TPTE: variants seen among roughly 807,000 people sequenced by gnomAD.
The protein encoded by TPTE is transmembrane phosphatase with tensin homology.
TPTE carries 59 observed loss-of-function variants against 84.1 expected under a neutral mutation model. The observed-to-expected ratio is 0.70, with a 90% CI of 0.57 to 0.87. The LOEUF (loss-of-function observed/expected upper bound fraction) is 0.87, where lower values mean the gene tolerates loss of function less well. Ranked by LOEUF, TPTE falls within the 40% of genes least tolerant of loss-of-function variation. TPTE has a pLI of 0.00. For missense variants in TPTE, 382 were observed against 659.6 expected, an observed-to-expected ratio of 0.58 and a Z score of 4.61; for synonymous variants, 130 against 223.5, an observed-to-expected ratio of 0.58 and a Z score of 3.73.
chr21:10,566,251 A>T (rs1315812620), intron 10 of TPTE, among the ~76,000 whole-genome samples: 1 of 152,308 alleles, frequency 6.6e-6, no homozygotes, highest in Non-Finnish European at 1.5e-5. Context: ...ATATCAAGAG[A>T]TGCTTGACAT....
intron 14 of TPTE, among the ~76,000 whole-genome samples, chr21:10,571,463 C>G (rs1420406527): frequency 2.0e-5 from 3 of 152,312 alleles, no homozygotes; most frequent in Non-Finnish European, 2.9e-5. Flanking sequence ...AGCAAGGAAA[C>G]ATTACACCTC....
At chr21:10,533,808 A>G (rs1352204766) in intron 3 of TPTE, among the ~76,000 whole-genome samples, 1 of 152,312 alleles carries the variant, frequency 6.6e-6, no homozygotes, top group Non-Finnish European at 1.5e-5. Flanking sequence ...AGCTTTAGAC[A>G]AGGTAAATTT....
Position 10,521,685 on chromosome 21 carries a change from C to G in TPTE, c.-220C>G, listed in dbSNP as rs1185940585. ...GACCCCCGGCGCCTACACTTAGCTC[C>G]GCGCCCGAGGTGAGCCCAGGCCCTA... On this transcript the variant is annotated 5_prime_UTR_variant, in exon 1 of 24. Transcript: ENST00000618007. The G allele has an allele frequency of 6.5e-6, 1 of 153,900 alleles. No homozygotes were observed. The highest frequency in any genetic ancestry group is 2.4e-5 in the African/African-American group (1 of 41,436). The allele number at this position is 153,900 out of a possible 1,614,324, so 9.5% of individuals were successfully genotyped here.
At chr21:10,539,624 T>C (rs559433808) in intron 4 of TPTE, among the ~76,000 whole-genome samples, 1 of 152,308 alleles carries the variant, frequency 6.6e-6, no homozygotes, top group African/African-American at 2.4e-5. Context: ...TGCAATCATA[T>C]AAAGTATGAT....
chr21:10,579,881 G>A (rs1411338449), intron 17 of TPTE, among the ~76,000 whole-genome samples: 3 of 152,310 alleles, frequency 2.0e-5, no homozygotes, highest in African/African-American at 7.2e-5. Context: ...ATACCCAGAA[G>A]TGGAATCTCC....
chr21:10,550,200 A>G (rs2074546736), intron 7 of TPTE, among the ~76,000 whole-genome samples: 2 of 152,310 alleles, frequency 1.3e-5, no homozygotes, highest in Non-Finnish European at 2.9e-5. Flanking sequence ...GATGATAACC[A>G]CCATCATGAA....
At chr21:10,589,198 C>G (rs1275564349) in intron 17 of TPTE, among the ~76,000 whole-genome samples, 1 of 152,232 alleles carries the variant, frequency 6.6e-6, no homozygotes, top group Non-Finnish European at 1.5e-5. Flanking sequence ...TTTTTTTCTT[C>G]TTTCCCTTTC....
At chr21:10,566,695 G>A (rs535299383) in intron 10 of TPTE, among the ~76,000 whole-genome samples, 29 of 152,416 alleles carry the variant, frequency 1.9e-4, no homozygotes, top group East Asian at 9.6e-4. Context: ...ATAAGAACCC[G>A]GCCAAGTGCA....
chr21:10,601,923 T>G, intron 21 of TPTE, 135 bp from the exon 22 acceptor site: 3 of 866,128 alleles, frequency 3.5e-6, no homozygotes, highest in Non-Finnish European at 5.4e-6. Context: ...TATTAATAAT[T>G]ATTTATGTAT....
intron 21 of TPTE, 55 bp downstream of exon 21, chr21:10,598,149 T>C: frequency 6.2e-7 from 1 of 1,604,398 alleles, no homozygotes; most frequent in Non-Finnish European, 8.5e-7. Flanking sequence ...AGGCTGAATG[T>C]CAAACCAGCA....
intron 3 of TPTE, among the ~76,000 whole-genome samples, chr21:10,528,339 A>G (rs1462306450): frequency 6.6e-6 from 1 of 152,308 alleles, no homozygotes; most frequent in Non-Finnish European, 1.5e-5. Context: ...TATATTGGAG[A>G]TGGGAGGAAT....
At chr21:10,582,832 C>A (rs2075294670) in intron 17 of TPTE, among the ~76,000 whole-genome samples, 2 of 152,310 alleles carry the variant, frequency 1.3e-5, no homozygotes, top group Admixed American at 1.3e-4. Flanking sequence ...CTCCTGGGTT[C>A]AAGCAATTCT....
chr21:10,526,033 C>T (rs1279379520), intron 2 of TPTE, among the ~76,000 whole-genome samples: 5 of 152,306 alleles, frequency 3.3e-5, no homozygotes, highest in Non-Finnish European at 5.9e-5. Flanking sequence ...AAATTCTTAC[C>T]TTTTTGGTGT....
In TPTE at chr21:10,521,587, C is replaced by G. The variant is rs1431769752; in HGVS notation, c.-318C>G. On this transcript the variant is annotated 5_prime_UTR_variant, in exon 1 of 24. Coordinates refer to ENST00000618007, the MANE Select transcript of TPTE (RefSeq NM_199261.4). ...GCGGCGGGGCCAAGGGAGGGCACAACAGCTGCTACCTGAACAGTTTCTGAC... is the reference window on the plus strand; with the variant it reads ...GCGGCGGGGCCAAGGGAGGGCACAAGAGCTGCTACCTGAACAGTTTCTGAC... 2 of 154,708 alleles carry G rather than the reference C, an allele frequency of 1.3e-5. No homozygotes were observed. The highest frequency in any genetic ancestry group is 2.9e-5 in the Non-Finnish European group (2 of 69,678). The allele number at this position is 154,708 out of a possible 1,614,324, so 9.6% of individuals were successfully genotyped here.
chr21:10,545,556 G>T (rs2074449797), intron 7 of TPTE, among the ~76,000 whole-genome samples: 1 of 152,302 alleles, frequency 6.6e-6, no homozygotes, highest in Non-Finnish European at 1.5e-5. Flanking sequence ...ATATATATTT[G>T]ATATAACTCA....
intron 2 of TPTE, among the ~76,000 whole-genome samples, chr21:10,525,286 T>G (rs1171974913): frequency 6.6e-6 from 1 of 152,430 alleles, no homozygotes; most frequent in East Asian, 1.9e-4. Flanking sequence ...CTAACGTGTT[T>G]TGGAGACAGC....
chr21:10,573,952 A>G (rs1383503975), intron 14 of TPTE, among the ~76,000 whole-genome samples: 1 of 152,312 alleles, frequency 6.6e-6, no homozygotes, highest in Non-Finnish European at 1.5e-5. Context: ...TGCAAATTAC[A>G]CTACCAGTCT....
At chr21:10,527,283 G>T (rs1418195100) in intron 2 of TPTE, 72 bp from the exon 3 acceptor site, 2 of 152,754 alleles carry the variant, frequency 1.3e-5, no homozygotes, top group Non-Finnish European at 2.9e-5. Flanking sequence ...AAATACTGTT[G>T]AGATTAACAT....
At chr21:10,530,220 A>G (rs886909961) in intron 3 of TPTE, among the ~76,000 whole-genome samples, 3 of 152,428 alleles carry the variant, frequency 2.0e-5, no homozygotes, top group African/African-American at 4.8e-5. Flanking sequence ...CCCTTTAGAA[A>G]CCAATCAATA....
Sources: gnomAD v4.1 joint callset for allele counts (sites outside exome capture counted in the v4.1 genomes callset) on GRCh38, gnomAD v4.1.1 for gene constraint, MANE v1.5 for transcripts, NCBI Gene and HGNC (gene_info 2026-07-23, HGNC 2026-07-21) for gene names.